Variants in TTF2 observed in about 807,000 individuals in gnomAD.
TTF2 encodes RNA polymerase II termination factor.
TTF2 carries 108 observed loss-of-function variants against 142.4 expected under a neutral mutation model. The ratio of observed to expected loss-of-function variants is 0.76; its 90% CI spans 0.65 to 0.89. The LOEUF is 0.89. Among genes scored for constraint, TTF2 ranks in the 40% least tolerant of loss-of-function variants. TTF2 has a pLI of 0.00. For missense variants in TTF2, 1,327 were observed against 1,379.8 expected, an observed-to-expected ratio of 0.96 and a Z score of 0.61; for synonymous variants, 483 against 506.2, an observed-to-expected ratio of 0.95 and a Z score of 0.61.
intron 7 of TTF2, 74 bp from the exon 8 acceptor site, chr1:117,077,842 T>C (rs1657138662): frequency 5.1e-6 from 8 of 1,577,480 alleles, no homozygotes; most frequent in Non-Finnish European, 6.9e-6. Context: ...GGGCCATTTG[T>C]AGCTAAGTTC....
In TTF2 at chr1:117,102,732, T is replaced by C. The variant is rs930776897; in HGVS notation, c.*1208T>C. The C allele has an allele frequency of 2.6e-5, 4 of 152,208 alleles. No individual in the cohort carries two copies. Among genetic ancestry groups the C allele is most frequent in the Non-Finnish European group, 5.9e-5 (4 of 68,046 alleles). The allele number at this position is 152,208 out of a possible 1,614,324, so 9.4% of individuals were successfully genotyped here. The stretch of plus-strand genomic sequence containing the variant: ...TCTAATAAATACTAATCCAGTCCAA[T>C]ACTAATCCAATCCAATACTAATAAT... On this transcript the variant is annotated 3_prime_UTR_variant, in exon 23 of 23. Coordinates refer to ENST00000369466, the MANE Select transcript of TTF2 (RefSeq NM_003594.4).
intron 7 of TTF2, among the ~76,000 whole-genome samples, chr1:117,077,076 T>G (rs897092804): frequency 1.3e-5 from 2 of 152,040 alleles, no homozygotes; most frequent in Non-Finnish European, 2.9e-5. Flanking sequence ...CTGTCCCTAA[T>G]GTATTAAAGT....
chr1:117,084,120 T>G lies in TTF2; in HGVS notation c.2006T>G (p.Leu669Arg). Residue 669 changes from leucine (L) to arginine (R), a missense_variant, in exon 11 of 23, where the codon CTA becomes CGA. Leu to Arg is a moderately radical substitution (Grantham distance 102). Transcript: ENST00000369466. ...EVEKRVNSNKLRVYLYHGPNR... is the reference protein window; with the variant it reads ...EVEKRVNSNKRRVYLYHGPNR... ...GAGAAACGGGTGAACAGCAACAAAC[T>G]AAGAGTCTATCTCTACCATGGGCCA... 1 of 1,614,132 alleles carries G rather than the reference T, an allele frequency of 6.2e-7. No homozygotes were observed. Among genetic ancestry groups the G allele is most frequent in the South Asian group, 1.1e-5 (1 of 91,080 alleles).
rs3754105 is a variant in TTF2 at position 117,100,224 on chromosome 1, T to C, written c.3345-1156T>C. The stretch of plus-strand genomic sequence containing the variant: ...CTGCTATTCTTCTGTAGTCATTGTC[T>C]TTGTGAATAGTATCACTCTTTATCT... On this transcript the variant is annotated intron_variant, in intron 22 of 22. Coordinates refer to ENST00000369466, the MANE Select transcript of TTF2 (RefSeq NM_003594.4). This position sits in a 1 kb window ranked among gnomAD's most constrained non-coding sequence, Gnocchi z 4.6. 1.9e-3 allele frequency among the ~76,000 whole-genome samples: 293 copies of C among 152,402 alleles called. 3 individuals are homozygous for C. In the East Asian group the frequency reaches 0.04, roughly 21 times the overall value.
At chr1:117,089,192 T>C (rs535461438) in intron 13 of TTF2, among the ~76,000 whole-genome samples, 9 of 151,244 alleles carry the variant, frequency 6.0e-5, no homozygotes, top group African/African-American at 2.2e-4. Flanking sequence ...ATTCAGCCCT[T>C]ATATATATAT....
chr1:117,068,384 G>A (rs1481412439), intron 3 of TTF2, among the ~76,000 whole-genome samples: 1 of 151,982 alleles, frequency 6.6e-6, no homozygotes, highest in African/African-American at 2.4e-5. Flanking sequence ...TCACATACTG[G>A]GGCCTGTTGT....
In TTF2 at chr1:117,069,168, C is replaced by A. The variant is rs76876161; in HGVS notation, c.219-4493C>A. On this transcript the variant is annotated intron_variant, in intron 3 of 22. Coordinates refer to ENST00000369466, the MANE Select transcript of TTF2 (RefSeq NM_003594.4). ...CGTGTAAAAGAATGAGGTAGACATT[C>A]GGCTTTATGTTTTTCCAGAGCTGGA... Among the ~76,000 whole-genome samples the A allele has an allele frequency of 2.6e-3, 398 of 152,132 alleles. 1 individual carries two copies. Among genetic ancestry groups the A allele is most frequent in the Non-Finnish European group, 4.5e-3 (309 of 68,004 alleles).
At position 117,090,750 on chromosome 1, in the gene TTF2, C is replaced by CT. The variant is rs372717609; in HGVS notation, c.2588+138dup. ...TTGATTAGTTGGATGTCTGTATTCC[C>CT]TTTTTTTTTTTACCCCATTTTTCTC... On this transcript the variant is annotated intron_variant, in intron 15 of 22. Transcript: ENST00000369466. The surrounding 1 kb of genome is among the most constrained non-coding windows in gnomAD (Gnocchi z 4.8). 33,299 of 592,032 alleles carry CT rather than the reference C, an allele frequency of 0.056. 106 individuals are homozygous for CT. The highest frequency in any genetic ancestry group is 0.13 in the South Asian group (5,157 of 38,660). 36.7% of individuals were successfully genotyped at this position (592,032 alleles called of 1,614,324 possible).
chr1:117,097,741 C>T lies in TTF2; in HGVS notation c.3269+308C>T, dbSNP rs1019858175. Reference sequence around the variant, plus strand: ...CTCATGGCTAAGAGTTAACCTTGCTCAGTTTTACCTCTTCTCCAGAATACT... The same window carrying T: ...CTCATGGCTAAGAGTTAACCTTGCTTAGTTTTACCTCTTCTCCAGAATACT... On this transcript the variant is annotated intron_variant, in intron 21 of 22. Coordinates refer to ENST00000369466, the MANE Select transcript of TTF2 (RefSeq NM_003594.4). This position sits in a 1 kb window ranked among gnomAD's most constrained non-coding sequence, Gnocchi z 4.1. Among the ~76,000 whole-genome samples the T allele has an allele frequency of 3.9e-5, 6 of 152,172 alleles. No individual in the cohort carries two copies. The highest frequency in any genetic ancestry group is 1.3e-4 in the Admixed American group (2 of 15,280).
chr1:117,084,062 G>A lies in TTF2; in HGVS notation c.1948G>A (p.Ala650Thr). 29 of 1,614,118 alleles carry A rather than the reference G, an allele frequency of 1.8e-5. No homozygotes were observed. Among genetic ancestry groups the A allele is most frequent in the Non-Finnish European group, 2.4e-5 (28 of 1,180,034 alleles). The change falls in exon 11 of 23, where the codon GCC becomes ACC. Residue 650 changes from alanine to threonine, a missense_variant. Physicochemically the swap from Ala to Thr is moderately conservative, Grantham distance 58 (BLOSUM62 0). Transcript: ENST00000369466. ...TSHGTLIICP[A>T]SLIHHWKNEV... ...CCATGGAACACTAATCATCTGTCCTGCCTCCCTGATCCATCATTGGAAAAA... is the reference window on the plus strand; with the variant it reads ...CCATGGAACACTAATCATCTGTCCTACCTCCCTGATCCATCATTGGAAAAA...
intron 3 of TTF2, among the ~76,000 whole-genome samples, chr1:117,065,575 T>C (rs916454122): frequency 6.6e-5 from 10 of 152,252 alleles, no homozygotes; most frequent in East Asian, 5.8e-4. Flanking sequence ...CCAGCTTGGG[T>C]GACAGAGCGA....
chr1:117,095,697 CAT>C (rs1337390830), intron 19 of TTF2, among the ~76,000 whole-genome samples: 4 of 152,180 alleles, frequency 2.6e-5, no homozygotes, highest in African/African-American at 9.7e-5. Context: ...TTATACCTGA[CAT>C]ATGTGCTATA....
Position 117,093,807 on chromosome 1 carries a change from A to G in TTF2, c.2976+906A>G, listed in dbSNP as rs1254301734. ...TTGTGTTCCTTGTTTAATTAAATGC[A>G]GGTAATATTTATTCACAAGTTTTCT... On this transcript the variant is annotated intron_variant, in intron 18 of 22. Coordinates refer to ENST00000369466, the MANE Select transcript of TTF2 (RefSeq NM_003594.4). This position sits in a 1 kb window ranked among gnomAD's most constrained non-coding sequence, Gnocchi z 4.5. 6.6e-6 allele frequency among the ~76,000 whole-genome samples: 1 copy of G among 152,210 alleles called. No homozygotes were observed. Among genetic ancestry groups the G allele is most frequent in the East Asian group, 1.9e-4 (1 of 5,204 alleles).
In TTF2 at chr1:117,086,439, A is replaced by C; in HGVS notation, c.2077A>C (p.Ile693Leu). ...ARVLSTYDIV[I>L]TTYSLVAKEI... ...CAGCCTCTCTACATATGACATCGTG[A>C]TCACTACCTATAGCCTCGTGGCCAA... The change falls in exon 12 of 23, where the codon ATC becomes CTC. Residue 693 changes from isoleucine (I) to leucine (L), a missense_variant. By Grantham distance (5) the Ile-to-Leu change is conservative (BLOSUM62 2). Transcript: ENST00000369466. This position sits in a 1 kb window ranked among gnomAD's most constrained non-coding sequence, Gnocchi z 4.2. 7 of 1,614,038 alleles carry C rather than the reference A, an allele frequency of 4.3e-6. No individual in the cohort carries two copies. Among genetic ancestry groups the C allele is most frequent in the Non-Finnish European group, 5.1e-6 (6 of 1,179,952 alleles).
At chr1:117,066,039 A>G (rs1252969146) in intron 3 of TTF2, among the ~76,000 whole-genome samples, 3 of 116,376 alleles carry the variant, frequency 2.6e-5, no homozygotes, top group South Asian at 5.4e-4. Context: ...GTCTCACTGT[A>G]TTACCCAGCC....
At position 117,100,017 on chromosome 1, in the gene TTF2, A is replaced by T. The variant is rs1649454991; in HGVS notation, c.3344+1110A>T. ...TCAGACCTATCGCAGTCCCTGCTAA[A>T]TATCTGAATCCGAGTGTCCACATAC... On this transcript the variant is annotated intron_variant, in intron 22 of 22. Transcript: ENST00000369466. This position sits in a 1 kb window ranked among gnomAD's most constrained non-coding sequence, Gnocchi z 4.6. 6.6e-6 allele frequency among the ~76,000 whole-genome samples: 1 copy of T among 152,234 alleles called. No homozygotes were observed. Among genetic ancestry groups the T allele is most frequent in the South Asian group, 2.1e-4 (1 of 4,832 alleles).
In TTF2 at chr1:117,100,196, A is replaced by G. The variant is rs1339253300; in HGVS notation, c.3345-1184A>G. On this transcript the variant is annotated intron_variant, in intron 22 of 22. Transcript: ENST00000369466. This position sits in a 1 kb window ranked among gnomAD's most constrained non-coding sequence, Gnocchi z 4.6. ...TTGATTTTCTCTTCCTATTATCTCA[A>G]ATCTGCTATTCTTCTGTAGTCATTG... is the stretch of plus-strand genomic sequence containing the variant. 1.3e-5 allele frequency among the ~76,000 whole-genome samples: 2 copies of G among 152,182 alleles called. No homozygotes were observed. The highest frequency in any genetic ancestry group is 2.9e-5 in the Non-Finnish European group (2 of 68,014).
At position 117,102,015 on chromosome 1, in the gene TTF2, A is replaced by T. The variant is rs1215261427; in HGVS notation, c.*491A>T. 6.6e-6 allele frequency: 1 copy of T among 152,492 alleles called. No individual in the cohort carries two copies. Among genetic ancestry groups the T allele is most frequent in the Non-Finnish European group, 1.5e-5 (1 of 68,366 alleles). The allele number at this position is 152,492 out of a possible 1,614,324, so 9.4% of individuals were successfully genotyped here. Reference sequence around the variant, plus strand: ...AAATGAGCTAGGCGTGGTAGTGCACACCTGTAGTCCTAGCTACTTGGGAGG... The same window carrying T: ...AAATGAGCTAGGCGTGGTAGTGCACTCCTGTAGTCCTAGCTACTTGGGAGG... On this transcript the variant is annotated 3_prime_UTR_variant, in exon 23 of 23. Coordinates refer to ENST00000369466, the MANE Select transcript of TTF2 (RefSeq NM_003594.4).
At chr1:117,062,311 T>C (rs1292735794) in intron 2 of TTF2, 76 bp from the exon 3 acceptor site, 2 of 1,360,306 alleles carry the variant, frequency 1.5e-6, no homozygotes, top group African/African-American at 1.4e-5. Flanking sequence ...TAAAAACCCA[T>C]AGTTTTGATT....
Sources: gnomAD v4.1 joint callset for allele counts (sites outside exome capture counted in the v4.1 genomes callset) on GRCh38, gnomAD v4.1.1 for gene constraint, Gnocchi (gnomAD v3.1) non-coding constraint, MANE v1.5 for transcripts, NCBI Gene and HGNC (gene_info 2026-07-23, HGNC 2026-07-21) for gene names.